CHRM3: variants seen among roughly 807,000 people sequenced by gnomAD.
The protein encoded by CHRM3 is muscarinic acetylcholine receptor M3.
In CHRM3, 11 loss-of-function variants were observed where a neutral mutation model predicts 41.8. The ratio of observed to expected loss-of-function variants is 0.26; its 90% CI spans 0.17 to 0.44. The LOEUF is 0.44. CHRM3 is among the 20% of genes least tolerant of loss of function. The pLI is 1.00. For synonymous variants in CHRM3, 297 were observed against 301.4 expected, an observed-to-expected ratio of 0.99 and a Z score of 0.15; for missense variants, 571 against 745.4, an observed-to-expected ratio of 0.77 and a Z score of 2.72.
chr1:239,540,625 T>G (rs367988459), intron 2 of CHRM3, among the ~76,000 whole-genome samples: 6 of 152,302 alleles, frequency 3.9e-5, no homozygotes, highest in African/African-American at 7.2e-5. Context: ...TTGAGGAACT[T>G]CAAATAAGTT....
At chr1:239,393,231 G>T (rs1367331194) in intron 1 of CHRM3, among the ~76,000 whole-genome samples, 2 of 152,082 alleles carry the variant, frequency 1.3e-5, no homozygotes, top group Non-Finnish European at 2.9e-5. Flanking sequence ...TTGGGTTTTT[G>T]GCTTCAAATT....
intron 6 of CHRM3, among the ~76,000 whole-genome samples, chr1:239,866,149 G>A (rs982067195): frequency 6.6e-6 from 1 of 152,084 alleles, no homozygotes; most frequent in African/African-American, 2.4e-5. Flanking sequence ...AGGCCGGGGC[G>A]GGCGGATCAC....
intron 2 of CHRM3, among the ~76,000 whole-genome samples, chr1:239,500,185 C>T (rs1342804610): frequency 1.3e-5 from 2 of 152,094 alleles, no homozygotes; most frequent in Non-Finnish European, 2.9e-5. Context: ...TATTGCAGCA[C>T]TATTCACAAT....
chr1:239,601,332 G>C (rs1429034155), intron 3 of CHRM3, among the ~76,000 whole-genome samples: 1 of 152,138 alleles, frequency 6.6e-6, no homozygotes, highest in Admixed American at 6.5e-5. Flanking sequence ...CATAAAACAA[G>C]CAAATAATTT....
intron 5 of CHRM3, among the ~76,000 whole-genome samples, chr1:239,820,359 G>A (rs1179326608): frequency 3.9e-5 from 6 of 152,100 alleles, no homozygotes; most frequent in East Asian, 1.9e-4. Flanking sequence ...AGTTGTCTGG[G>A]GCAAAGTCTG....
chr1:239,767,841 A>G (rs1344011892), intron 5 of CHRM3, among the ~76,000 whole-genome samples: 1 of 152,128 alleles, frequency 6.6e-6, no homozygotes, highest in South Asian at 2.1e-4. Flanking sequence ...GAGTTTCCTC[A>G]GGTTTTTTTC....
intron 5 of CHRM3, among the ~76,000 whole-genome samples, chr1:239,817,067 G>A (rs551387557): frequency 2.6e-5 from 4 of 152,234 alleles, no homozygotes; most frequent in African/African-American, 9.6e-5. Flanking sequence ...TAGCACATGT[G>A]AGGCACTGTG....
chr1:239,806,542 C>G (rs552634), intron 5 of CHRM3, among the ~76,000 whole-genome samples: 26,529 of 152,070 alleles, frequency 0.17, 2,876 homozygotes, highest in East Asian at 0.31. Flanking sequence ...AAATGGAGAG[C>G]AGTAAGTGAA....
chr1:239,704,254 G>T (rs962015881), intron 5 of CHRM3: 1 of 152,152 alleles, frequency 6.6e-6, no homozygotes, highest in Non-Finnish European at 1.5e-5. Flanking sequence ...AAGTGGGCCC[G>T]CATCATACAC....
intron 1 of CHRM3, among the ~76,000 whole-genome samples, chr1:239,424,205 A>T (rs1021684365): frequency 6.6e-6 from 1 of 152,092 alleles, no homozygotes; most frequent in Non-Finnish European, 1.5e-5. Flanking sequence ...AACATACGAC[A>T]CGGCAATGAG....
At chr1:239,760,113 A>G (rs1228761413) in intron 5 of CHRM3, among the ~76,000 whole-genome samples, 35 of 149,658 alleles carry the variant, frequency 2.3e-4, no homozygotes, top group Admixed American at 2.7e-4. Context: ...TTTCAGTAGA[A>G]ACGGGGTTTC....
chr1:239,796,805 A>C (rs1669813084), intron 5 of CHRM3, among the ~76,000 whole-genome samples: 1 of 152,132 alleles, frequency 6.6e-6, no homozygotes, highest in African/African-American at 2.4e-5. Flanking sequence ...CAAATAGTGT[A>C]CATTGTACCC....
intron 5 of CHRM3, among the ~76,000 whole-genome samples, chr1:239,706,740 G>A (rs569235418): frequency 6.7e-6 from 1 of 148,440 alleles, no homozygotes; most frequent in Non-Finnish European, 1.5e-5. Context: ...GCATGCACAG[G>A]CATGCACCCC....
chr1:239,837,033 T>C (rs1029839463), intron 6 of CHRM3, among the ~76,000 whole-genome samples: 1 of 150,890 alleles, frequency 6.6e-6, no homozygotes, highest in South Asian at 2.1e-4. Context: ...CTTTGGACCA[T>C]ACAGTGTCAG....
In CHRM3 at chr1:239,554,732, T is replaced by TC. The variant is rs1375723501; in HGVS notation, c.-313+8983_-313+8984insC. ...AAATTGGTTCATGTATTTCTTTCTT[T>TC]TTTTTTTTTTTTTTTTAGATGGAGT... On this transcript the variant is annotated intron_variant, in intron 3 of 6. Coordinates refer to ENST00000676153, the MANE Select transcript of CHRM3 (RefSeq NM_001375978.1). 5.8e-4 allele frequency among the ~76,000 whole-genome samples: 86 copies of TC among 147,088 alleles called. No individual in the cohort carries two copies. The East Asian group carries it at 0.012, about 21-fold the overall frequency.
At chr1:239,881,232 GAGATCC>G (rs1677584933) in intron 6 of CHRM3, among the ~76,000 whole-genome samples, 1 of 129,812 alleles carries the variant, frequency 7.7e-6, no homozygotes. Flanking sequence ...GCAGTGAGCC[GAGATCC>G]CGCCCCTGCA....
At chr1:239,683,572 G>T (rs1339183744) in intron 5 of CHRM3, among the ~76,000 whole-genome samples, 1 of 152,158 alleles carries the variant, frequency 6.6e-6, no homozygotes, top group Non-Finnish European at 1.5e-5. Flanking sequence ...TTAAGGAGAT[G>T]TGCTAGGTCT....
chr1:239,624,595 A>T (rs1186616853), intron 3 of CHRM3, among the ~76,000 whole-genome samples: 1 of 151,760 alleles, frequency 6.6e-6, no homozygotes, highest in African/African-American at 2.4e-5. Context: ...CCTGAGTGGT[A>T]ATGCCTAGGT....
At chr1:239,597,027 G>A (rs1664855086) in intron 3 of CHRM3, among the ~76,000 whole-genome samples, 1 of 152,032 alleles carries the variant, frequency 6.6e-6, no homozygotes, top group African/African-American at 2.4e-5. Context: ...ATAGCTCTTA[G>A]TTTAAGCAGA....
Sources: gnomAD v4.1 joint callset for allele counts (sites outside exome capture counted in the v4.1 genomes callset) on GRCh38, gnomAD v4.1.1 for gene constraint, MANE v1.5 for transcripts, NCBI Gene and HGNC (gene_info 2026-07-23, HGNC 2026-07-21) for gene names.